The following COL22A1 variants were observed in gnomAD, a reference collection of about 807,000 sequenced individuals.
COL22A1 encodes collagen alpha-1(XXII) chain.
In COL22A1, 221 loss-of-function variants were observed where a neutral mutation model predicts 248.9. The observed-to-expected ratio is 0.89, with a 90% CI of 0.80 to 0.99. The LOEUF is 0.99. COL22A1 is among the 50% of genes least tolerant of loss of function. The probability of loss-of-function intolerance (pLI) is 0.00; values close to 1 mark genes in which losing one functional copy is unlikely to be tolerated. For missense variants in COL22A1, 2,240 were observed against 2,179.0 expected (o/e 1.03, Z -0.56); for synonymous variants, 891 against 793.4 (o/e 1.12, Z -2.07).
At position 138,669,811 on chromosome 8, in the gene COL22A1, T is replaced by C. The variant is rs113987347; in HGVS notation, c.3151-6071A>G. On this transcript the variant is annotated intron_variant, in intron 41 of 64. Coordinates refer to ENST00000303045, the MANE Select transcript of COL22A1 (RefSeq NM_152888.3). ...ATGGTTTCATTTAGAAAGGAGAGTT[T>C]CCAATCAGAGGTGGCAGTAGAAACT... Among the ~76,000 whole-genome samples, 177 of 152,174 alleles carry C rather than the reference T, an allele frequency of 1.2e-3. 1 individual carries two copies. The highest frequency in any genetic ancestry group is 4.2e-3 in the African/African-American group (175 of 41,510).
intron 6 of COL22A1, among the ~76,000 whole-genome samples, chr8:138,823,369 A>AT (rs1819318419): frequency 6.6e-6 from 1 of 152,158 alleles, no homozygotes; most frequent in South Asian, 2.1e-4. Flanking sequence ...GTATTCTTGG[A>AT]TTTTAACCTG....
intron 30 of COL22A1, among the ~76,000 whole-genome samples, chr8:138,707,013 A>G (rs1339019128): frequency 6.6e-6 from 1 of 152,220 alleles, no homozygotes; most frequent in Admixed American, 6.5e-5. Flanking sequence ...AAACACTTCT[A>G]TGCAGATAAA....
In COL22A1 at chr8:138,876,298, C is replaced by T. The variant is rs117124099; in HGVS notation, c.658+1452G>A. Among the ~76,000 whole-genome samples, 301 of 152,312 alleles carry T rather than the reference C, an allele frequency of 2.0e-3. 5 individuals carry two copies. The East Asian group carries it at 0.04, about 20-fold the overall frequency. ...CTCTAAACAACCTAAGCACCACCTC[C>T]TCCAGGGAGCCCTCCATCATTCTCA... On this transcript the variant is annotated intron_variant, in intron 3 of 64. Coordinates refer to ENST00000303045, the MANE Select transcript of COL22A1 (RefSeq NM_152888.3).
At chr8:138,793,325 T>C (rs1373749659) in intron 12 of COL22A1, among the ~76,000 whole-genome samples, 2 of 152,146 alleles carry the variant, frequency 1.3e-5, no homozygotes, top group Non-Finnish European at 1.5e-5. Context: ...GGTCTCCTCA[T>C]TTCTGGAGGA....
Position 138,669,199 on chromosome 8 carries a change from G to A in COL22A1, c.3151-5459C>T, listed in dbSNP as rs189332895. ...CGAAGGGGTCAGAGGGAACAGACCAGAGGCCAGAGGCCAGGCACCTGGGGA... is the reference window on the plus strand; with the variant it reads ...CGAAGGGGTCAGAGGGAACAGACCAAAGGCCAGAGGCCAGGCACCTGGGGA... On this transcript the variant is annotated intron_variant, in intron 41 of 64. Transcript: ENST00000303045. 1.2e-3 allele frequency among the ~76,000 whole-genome samples: 184 copies of A among 152,254 alleles called. 1 individual carries two copies. Among genetic ancestry groups the A allele is most frequent in the African/African-American group, 4.2e-3 (176 of 41,580 alleles).
intron 3 of COL22A1, among the ~76,000 whole-genome samples, chr8:138,851,201 G>A (rs1369037346): frequency 1.3e-5 from 2 of 152,186 alleles, no homozygotes; most frequent in African/African-American, 2.4e-5. Flanking sequence ...TCTGGGAAGA[G>A]CTCTAAGGTG....
At chr8:138,703,555 T>C (rs1010414837) in intron 30 of COL22A1, among the ~76,000 whole-genome samples, 2 of 152,208 alleles carry the variant, frequency 1.3e-5, no homozygotes, top group African/African-American at 2.4e-5. Flanking sequence ...ATTTCAGACA[T>C]ATAAAAACAT....
rs1412995052 is a variant in COL22A1, at chr8:138,878,039, G to A, written c.369C>T (p.Tyr123=). The change falls in exon 3 of 65, where the codon TAC becomes TAT. Residue 123 remains tyrosine (Y), a synonymous_variant. Coordinates refer to ENST00000303045, the MANE Select transcript of COL22A1 (RefSeq NM_152888.3). ...GTGGGGAGAAGCTGCGGGCCGTGAT[G>A]TAGCGGAGCGCGTCTCCCGTGTTGG... The part of the protein sequence containing the change: ...GNTNTGDALR[Y]ITARSFSPHA... 1.3e-6 allele frequency: 2 copies of A among 1,592,194 alleles called. No individual in the cohort carries two copies. Among genetic ancestry groups the A allele is most frequent in the Non-Finnish European group, 1.7e-6 (2 of 1,169,824 alleles).
At chr8:138,635,392 G>A (rs1325230450) in intron 48 of COL22A1, among the ~76,000 whole-genome samples, 6 of 152,066 alleles carry the variant, frequency 3.9e-5, no homozygotes, top group African/African-American at 1.2e-4. Context: ...GTACATAAAT[G>A]TTCATTTTAT....
At chr8:138,726,639 G>A (rs1348205671) in intron 23 of COL22A1, among the ~76,000 whole-genome samples, 1 of 152,196 alleles carries the variant, frequency 6.6e-6, no homozygotes, top group Non-Finnish European at 1.5e-5. Flanking sequence ...GAAGGCAAGT[G>A]GGCAGAGAAG....
At chr8:138,606,066 A>G (rs9657454) in intron 58 of COL22A1, among the ~76,000 whole-genome samples, 34,264 of 152,072 alleles carry the variant, frequency 0.23, 4,378 homozygotes, top group African/African-American at 0.35. Context: ...CTTTATATGA[A>G]TGATTTCATT....
At chr8:138,633,129 G>A (rs2132012615) in intron 49 of COL22A1, among the ~76,000 whole-genome samples, 1 of 152,330 alleles carries the variant, frequency 6.6e-6, no homozygotes, top group East Asian at 1.9e-4. Flanking sequence ...CTAAAACAAT[G>A]CATACATGAC....
chr8:138,763,707 T>C (rs536063324), intron 16 of COL22A1, among the ~76,000 whole-genome samples: 2 of 152,294 alleles, frequency 1.3e-5, no homozygotes, highest in African/African-American at 4.8e-5. Context: ...CACAGCCACT[T>C]TGTTCCGGCT....
Position 138,661,017 on chromosome 8 carries a change from C to CAT in COL22A1, c.3241-538_3241-537insAT, listed in dbSNP as rs1285160742. Among the ~76,000 whole-genome samples the CAT allele has an allele frequency of 7.1e-5, 8 of 111,970 alleles. No homozygotes were observed. In the South Asian group the frequency reaches 1.0e-3, roughly 14 times the overall value. 73.5% of individuals were successfully genotyped at this position (111,970 alleles called of 152,430 possible). ...ACATACACATACACAGACACACACA[C>CAT]GCACATACACACACATATACAGACA... On this transcript the variant is annotated intron_variant, in intron 43 of 64. Transcript: ENST00000303045.
chr8:138,757,527 A>C (rs1488782197), intron 18 of COL22A1, among the ~76,000 whole-genome samples: 1 of 152,174 alleles, frequency 6.6e-6, no homozygotes, highest in Non-Finnish European at 1.5e-5. Flanking sequence ...ACATGTTTTA[A>C]TTACTCTCAA....
At chr8:138,783,480 C>A (rs146166807) in intron 12 of COL22A1, among the ~76,000 whole-genome samples, 1 of 152,024 alleles carries the variant, frequency 6.6e-6, no homozygotes, top group African/African-American at 2.4e-5. Context: ...AGAGGCTGGG[C>A]CAGTCTCTCC....
chr8:138,815,324 T>G (rs1301712321), intron 7 of COL22A1, among the ~76,000 whole-genome samples: 1 of 152,206 alleles, frequency 6.6e-6, no homozygotes. Flanking sequence ...GCTCCAGGAC[T>G]TCCGAGAGCA....
intron 9 of COL22A1, among the ~76,000 whole-genome samples, chr8:138,808,657 A>G (rs1214452141): frequency 1.3e-5 from 2 of 152,242 alleles, no homozygotes; most frequent in African/African-American, 4.8e-5. Flanking sequence ...ATAATTTTAT[A>G]GATATAAATA....
chr8:138,878,239 C>T lies in COL22A1; in HGVS notation c.169G>A (p.Val57Ile), dbSNP rs773344733. Residue 57 changes from valine (V) to isoleucine (I), a missense_variant, in exon 3 of 65, where the codon GTC becomes ATC. Physicochemically the swap from Val to Ile is conservative, Grantham distance 29. Transcript: ENST00000303045. Reference protein sequence around the residue: ...SSVGKEDFEKVRQWVANLVDT... With the variant: ...SSVGKEDFEKIRQWVANLVDT... ...ACCAGGTTGGCCACCCACTGCCGGA[C>T]CTTCTCAAAGTCCTCCTTGCCCACG... is the stretch of plus-strand genomic sequence containing the variant. The T allele has an allele frequency of 3.1e-6, 5 of 1,591,868 alleles. No homozygotes were observed. Among genetic ancestry groups the T allele is most frequent in the Admixed American group, 3.5e-5 (2 of 57,212 alleles).
Sources: allele counts gnomAD v4.1 joint callset (sites outside exome capture counted in the v4.1 genomes callset), GRCh38; gene constraint gnomAD v4.1.1; transcripts MANE v1.5; gene names NCBI Gene and HGNC (gene_info 2026-07-23, HGNC 2026-07-21).